Variants in CLVS1 observed in about 807,000 individuals in gnomAD.
The protein encoded by CLVS1 is clavesin 1, also known as clavesin-1.
In CLVS1, 10 loss-of-function variants were observed where a neutral mutation model predicts 33.1. That is an observed-to-expected ratio of 0.30 (90% CI 0.19 to 0.51). The LOEUF (loss-of-function observed/expected upper bound fraction) is 0.51. Among genes scored for constraint, CLVS1 ranks in the 20% least tolerant of loss-of-function variants. The pLI is 0.97. For missense variants in CLVS1, 343 were observed against 433.4 expected, an observed-to-expected ratio of 0.79 and a Z score of 1.85; for synonymous variants, 163 against 166.1, an observed-to-expected ratio of 0.98 and a Z score of 0.14.
At chr8:61,483,014 A>C (rs1586041283) in intron 5 of CLVS1, among the ~76,000 whole-genome samples, 1 of 152,070 alleles carries the variant, frequency 6.6e-6, no homozygotes, top group African/African-American at 2.4e-5. Flanking sequence ...TGACATCCTA[A>C]CATCACAATT....
intron 1 of CLVS1, among the ~76,000 whole-genome samples, chr8:61,093,014 A>G (rs1371054639): frequency 6.6e-6 from 1 of 152,150 alleles, no homozygotes; most frequent in Non-Finnish European, 1.5e-5. Flanking sequence ...TTAGCTCCTC[A>G]CCGCAAAATG....
intron 3 of CLVS1, among the ~76,000 whole-genome samples, chr8:61,428,615 C>T (rs1159504037): frequency 6.6e-6 from 1 of 152,202 alleles, no homozygotes; most frequent in African/African-American, 2.4e-5. Flanking sequence ...TAGAAAAAGG[C>T]ACATTCCTCC....
At chr8:61,203,534 T>G (rs1431745426) in intron 2 of CLVS1, among the ~76,000 whole-genome samples, 1 of 64,582 alleles carries the variant, frequency 1.5e-5, no homozygotes, top group Non-Finnish European at 3.3e-5. Flanking sequence ...AACTCAGTAT[T>G]TTAATAAAGT....
At chr8:61,236,361 A>G (rs1810406198) in intron 2 of CLVS1, among the ~76,000 whole-genome samples, 1 of 152,188 alleles carries the variant, frequency 6.6e-6, no homozygotes, top group South Asian at 2.1e-4. Flanking sequence ...TTCAGCTCGT[A>G]CATCATGGGG....
the CLVS1 span, among the ~76,000 whole-genome samples, chr8:61,002,318 T>C: frequency 6.8e-6 from 1 of 147,594 alleles, no homozygotes; most frequent in Non-Finnish European, 1.5e-5. Context: ...AGTTCCTGTA[T>C]GCTTGCTTGT....
At chr8:61,427,347 T>C (rs117075108) in intron 3 of CLVS1, among the ~76,000 whole-genome samples, 3 of 152,182 alleles carry the variant, frequency 2.0e-5, no homozygotes, top group African/African-American at 7.2e-5. Flanking sequence ...TTAGCCTTGC[T>C]AGCTTCCTTT....
intron 2 of CLVS1, among the ~76,000 whole-genome samples, chr8:61,218,659 G>T (rs1456041992): frequency 6.6e-6 from 1 of 150,636 alleles, no homozygotes; most frequent in African/African-American, 2.4e-5. Flanking sequence ...ACAAGGCCAG[G>T]CATGGTGGAT....
At chr8:61,435,492 A>G (rs1038339483) in intron 3 of CLVS1, among the ~76,000 whole-genome samples, 3 of 152,250 alleles carry the variant, frequency 2.0e-5, no homozygotes, top group African/African-American at 7.2e-5. Flanking sequence ...AAACATTTGA[A>G]CTTCTATTAC....
upstream of CLVS1, among the ~76,000 whole-genome samples, chr8:61,055,796 C>T (rs76426040): frequency 0.055 from 8,426 of 152,348 alleles, 253 homozygotes; most frequent in Middle Eastern, 0.085. Context: ...AAAGTCCTCA[C>T]ATCCTAGCAG....
chr8:61,379,607 T>A (rs1813784211), intron 3 of CLVS1, among the ~76,000 whole-genome samples: 1 of 152,200 alleles, frequency 6.6e-6, no homozygotes. Context: ...AGAACTTTGA[T>A]TAGTAATTGC....
At chr8:61,347,724 A>G (rs1279376286) in intron 2 of CLVS1, among the ~76,000 whole-genome samples, 1 of 138,264 alleles carries the variant, frequency 7.2e-6, no homozygotes, top group East Asian at 2.2e-4. Context: ...TGAGCTAATT[A>G]ACATGGGACT....
chr8:61,193,353 C>T (rs1332480347), intron 2 of CLVS1, among the ~76,000 whole-genome samples: 2 of 152,036 alleles, frequency 1.3e-5, no homozygotes, highest in Admixed American at 6.6e-5. Context: ...GGGAACATCA[C>T]ACACCTGGGC....
chr8:61,147,705 A>T (rs1319420098), intron 2 of CLVS1, among the ~76,000 whole-genome samples: 1 of 152,242 alleles, frequency 6.6e-6, no homozygotes, highest in African/African-American at 2.4e-5. Context: ...TTTCTCAGGG[A>T]TAAGAATTTT....
At chr8:61,243,730 C>A (rs552054823) in intron 2 of CLVS1, among the ~76,000 whole-genome samples, 1 of 152,240 alleles carries the variant, frequency 6.6e-6, no homozygotes, top group Admixed American at 6.5e-5. Context: ...CCCTGTCAAG[C>A]AGTATCACTA....
intron 2 of CLVS1, among the ~76,000 whole-genome samples, chr8:61,350,807 A>G (rs1011740759): frequency 1.3e-5 from 2 of 152,108 alleles, no homozygotes; most frequent in African/African-American, 4.8e-5. Flanking sequence ...CAGAGAGCTC[A>G]GGGGCATCTA....
At chr8:60,983,856 G>A in the CLVS1 span, among the ~76,000 whole-genome samples, 2 of 152,232 alleles carry the variant, frequency 1.3e-5, no homozygotes, top group South Asian at 4.1e-4. Context: ...TCCTCCTAAA[G>A]CCTGGTAGGA....
At chr8:61,485,729 A>C (rs969863827) in intron 5 of CLVS1, among the ~76,000 whole-genome samples, 2 of 152,256 alleles carry the variant, frequency 1.3e-5, no homozygotes, top group South Asian at 2.1e-4. Context: ...GATTAAGAAA[A>C]TGTGGCACAT....
chr8:61,258,400 A>C (rs1016681014), intron 2 of CLVS1, among the ~76,000 whole-genome samples: 2 of 152,174 alleles, frequency 1.3e-5, no homozygotes, highest in Admixed American at 6.5e-5. Context: ...AGTGCCATAC[A>C]TCTTGTGAGG....
chr8:61,307,196 A>G (rs1205985481), intron 2 of CLVS1, among the ~76,000 whole-genome samples: 1 of 152,242 alleles, frequency 6.6e-6, no homozygotes, highest in Non-Finnish European at 1.5e-5. Context: ...GTCATAATAT[A>G]TAAAATTACA....
Sources: allele counts gnomAD v4.1 joint callset (sites outside exome capture counted in the v4.1 genomes callset), GRCh38; gene constraint gnomAD v4.1.1; transcripts MANE v1.5; gene names NCBI Gene and HGNC (gene_info 2026-07-23, HGNC 2026-07-21).